The following SMIM14 variants were observed in gnomAD, a reference collection of about 807,000 sequenced individuals.
SMIM14 encodes chromosome 4 open reading frame 34.
SMIM14 carries 5 observed loss-of-function variants against 12.6 expected under a neutral mutation model. That is an observed-to-expected ratio of 0.40 (90% CI 0.21 to 0.83). The LOEUF is 0.83. SMIM14 is among the 40% of genes least tolerant of loss of function. SMIM14 has a pLI of 0.37. For missense variants in SMIM14, 86 were observed against 119.1 expected (o/e 0.72, Z 1.29); for synonymous variants, 30 against 40.1 (o/e 0.75, Z 0.95).
rs78825025 is a variant in SMIM14, at chr4:39,547,306, C to T, written c.*4820G>A. The T allele has an allele frequency of 6.6e-6, 1 of 152,138 alleles. No individual in the cohort carries two copies. Among genetic ancestry groups the T allele is most frequent in the African/African-American group, 2.4e-5 (1 of 41,436 alleles). The allele number at this position is 152,138 out of a possible 1,614,324, so 9.4% of individuals were successfully genotyped here. A position where few individuals can be genotyped will look rare whatever the true frequency, so the allele number is the denominator to read the frequency against. ...AACAGAAAACACAAAGTGTTACTAACGTTTTCTATTTATTCATTAATAAAA... is the reference window on the plus strand; with the variant it reads ...AACAGAAAACACAAAGTGTTACTAATGTTTTCTATTTATTCATTAATAAAA... On this transcript the variant is annotated 3_prime_UTR_variant, in exon 5 of 5. Transcript: ENST00000295958.
intron 1 of SMIM14, among the ~76,000 whole-genome samples, chr4:39,608,430 A>C (rs879341548): frequency 6.6e-6 from 1 of 152,250 alleles, no homozygotes; most frequent in Non-Finnish European, 1.5e-5. Flanking sequence ...GGATAAACAA[A>C]ATGTGGTATA....
intron 4 of SMIM14, among the ~76,000 whole-genome samples, chr4:39,552,648 G>A (rs1316012682): frequency 6.6e-6 from 1 of 152,182 alleles, no homozygotes; most frequent in East Asian, 1.9e-4. Context: ...ATAACCCTAA[G>A]GGGAGCCCAT....
intron 2 of SMIM14, among the ~76,000 whole-genome samples, chr4:39,589,184 TC>T (rs1713932398): frequency 6.6e-6 from 1 of 152,214 alleles, no homozygotes; most frequent in Non-Finnish European, 1.5e-5. Flanking sequence ...CCTCCTGGGC[TC>T]AAGCAATTTT....
intron 1 of SMIM14, among the ~76,000 whole-genome samples, chr4:39,636,700 A>T (rs1442101314): frequency 8.8e-6 from 1 of 113,788 alleles, no homozygotes; most frequent in Non-Finnish European, 2.0e-5. Flanking sequence ...TTAAAAAATT[A>T]TAAAACAACC....
At position 39,563,210 on chromosome 4, in the gene SMIM14, G is replaced by A. The variant is rs529448328; in HGVS notation, c.125-6640C>T. 4.6e-5 allele frequency among the ~76,000 whole-genome samples: 7 copies of A among 152,038 alleles called. No individual in the cohort carries two copies. In the South Asian group the frequency reaches 8.3e-4, roughly 18 times the overall value. ...CAAGTAGCTGGGATTACAGGTGCTC[G>A]CCTCCACACCCGGCTAATTTTTTGT... On this transcript the variant is annotated intron_variant, in intron 3 of 4. Transcript: ENST00000295958.
Position 39,558,113 on chromosome 4 carries a change from G to A in SMIM14, c.125-1543C>T, listed in dbSNP as rs766673060. ...ATAACAAGTGCCTAGCACAGTGCCT[G>A]ACCCATGATATGAGGTTAACAAATT... On this transcript the variant is annotated intron_variant, in intron 3 of 4. Transcript: ENST00000295958. This position sits in a 1 kb window ranked among gnomAD's most constrained non-coding sequence, Gnocchi z 4.3. Among the ~76,000 whole-genome samples, 48 of 152,280 alleles carry A rather than the reference G, an allele frequency of 3.2e-4. No individual in the cohort carries two copies. The highest frequency in any genetic ancestry group is 7.8e-4 in the Admixed American group (12 of 15,292).
intron 3 of SMIM14, among the ~76,000 whole-genome samples, chr4:39,561,063 G>A (rs1247351562): frequency 1.3e-5 from 2 of 151,302 alleles, no homozygotes; most frequent in Admixed American, 6.6e-5. Context: ...GCAAATACAT[G>A]TTGAGTTTCC....
chr4:39,607,996 G>T (rs1714877281), intron 1 of SMIM14, among the ~76,000 whole-genome samples: 1 of 152,176 alleles, frequency 6.6e-6, no homozygotes, highest in Admixed American at 6.5e-5. Context: ...ATACCTACTA[G>T]TATGGCTATA....
intron 1 of SMIM14, among the ~76,000 whole-genome samples, chr4:39,629,269 G>A (rs1431577156): frequency 1.3e-5 from 2 of 149,166 alleles, no homozygotes; most frequent in African/African-American, 2.5e-5. Flanking sequence ...GCTGAGGCAG[G>A]AGAATCGCTT....
chr4:39,620,426 C>T (rs1452913820), intron 1 of SMIM14, among the ~76,000 whole-genome samples: 1 of 152,090 alleles, frequency 6.6e-6, no homozygotes, highest in African/African-American at 2.4e-5. Context: ...CTGCAGTGAG[C>T]CGGAGATCGC....
intron 1 of SMIM14, among the ~76,000 whole-genome samples, chr4:39,624,067 T>C (rs1220233996): frequency 6.6e-6 from 1 of 152,192 alleles, no homozygotes; most frequent in Non-Finnish European, 1.5e-5. Flanking sequence ...TGCATTTTTA[T>C]CTTAAAAAGC....
At chr4:39,581,903 C>T (rs1713526843) in intron 2 of SMIM14, among the ~76,000 whole-genome samples, 1 of 142,588 alleles carries the variant, frequency 7.0e-6, no homozygotes, top group Non-Finnish European at 1.5e-5. Flanking sequence ...CTGAGTTTCA[C>T]TCTTGTTGCC....
chr4:39,602,791 T>C (rs1714666044), intron 2 of SMIM14, among the ~76,000 whole-genome samples: 1 of 152,170 alleles, frequency 6.6e-6, no homozygotes, highest in Non-Finnish European at 1.5e-5. Flanking sequence ...TCACAAGTCC[T>C]AGTGCATGCT....
chr4:39,624,509 T>G (rs1715616047), intron 1 of SMIM14, among the ~76,000 whole-genome samples: 1 of 152,148 alleles, frequency 6.6e-6, no homozygotes, highest in Admixed American at 6.6e-5. Context: ...AGTACAGAAA[T>G]TAGATAACTA....
chr4:39,583,337 A>G (rs546952781), intron 2 of SMIM14, among the ~76,000 whole-genome samples: 1 of 152,184 alleles, frequency 6.6e-6, no homozygotes, highest in East Asian at 1.9e-4. Context: ...GGCTCAAGCA[A>G]TCTTCCCACC....
chr4:39,622,033 G>A (rs1715515601), intron 1 of SMIM14, among the ~76,000 whole-genome samples: 1 of 151,752 alleles, frequency 6.6e-6, no homozygotes, highest in Non-Finnish European at 1.5e-5. Context: ...AATGTTAAAA[G>A]TATATTTAAA....
In SMIM14 at chr4:39,569,543, G is replaced by GT. The variant is rs371107172; in HGVS notation, c.124+2871dup. On this transcript the variant is annotated intron_variant, in intron 3 of 4. Coordinates refer to ENST00000295958, the MANE Select transcript of SMIM14 (RefSeq NM_174921.3). ...TAAAATGTGTGAAGAAAACCAGAAC[G>GT]TATCACTCCAAAATATGCCTTTTTG... 7.6e-4 allele frequency among the ~76,000 whole-genome samples: 116 copies of GT among 152,182 alleles called. 2 individuals are homozygous for GT. Among genetic ancestry groups the GT allele is most frequent in the African/African-American group, 2.6e-3 (109 of 41,522 alleles).
At chr4:39,559,386 CAAAAAAA>C (rs33993674) in intron 3 of SMIM14, among the ~76,000 whole-genome samples, 2 of 120,992 alleles carry the variant, frequency 1.7e-5, no homozygotes, top group African/African-American at 5.8e-5. Flanking sequence ...AAGACCCTGT[CAAAAAAA>C]AAAAAGAAAA....
intron 4 of SMIM14, among the ~76,000 whole-genome samples, chr4:39,554,622 C>A (rs1472399536): frequency 3.0e-5 from 4 of 135,382 alleles, no homozygotes; most frequent in South Asian, 2.3e-4. Context: ...AAAAAAACAA[C>A]AAAAACAAGC....
Sources: gnomAD v4.1 joint callset for allele counts (sites outside exome capture counted in the v4.1 genomes callset) on GRCh38, gnomAD v4.1.1 for gene constraint, Gnocchi (gnomAD v3.1) non-coding constraint, MANE v1.5 for transcripts, NCBI Gene and HGNC (gene_info 2026-07-23, HGNC 2026-07-21) for gene names.